The following PHACTR2 variants were observed in gnomAD, a reference collection of about 807,000 sequenced individuals.
PHACTR2 encodes phosphatase and actin regulator 2, also known as chromosome 6 open reading frame 56.
PHACTR2 carries 30 observed loss-of-function variants against 76.0 expected under a neutral mutation model. The ratio of observed to expected loss-of-function variants is 0.39; its 90% CI spans 0.30 to 0.54. PHACTR2 has a LOEUF of 0.54. Ranked by LOEUF, PHACTR2 falls within the 20% of genes least tolerant of loss-of-function variation. The pLI is 0.61. For missense variants in PHACTR2, 696 were observed against 781.1 expected (o/e 0.89, Z 1.30); for synonymous variants, 292 against 292.5 (o/e 1.00, Z 0.02).
chr6:143,706,166 A>G (rs919444474), intron 1 of PHACTR2, among the ~76,000 whole-genome samples: 1 of 152,032 alleles, frequency 6.6e-6, no homozygotes, highest in African/African-American at 2.4e-5. Flanking sequence ...TTGCTTTTTG[A>G]GCACTTTCTG....
rs977263243 is a variant in PHACTR2 at position 143,696,173 on chromosome 6, C to A, written c.47-15843C>A. 6.6e-6 allele frequency among the ~76,000 whole-genome samples: 1 copy of A among 152,178 alleles called. No homozygotes were observed. The highest frequency in any genetic ancestry group is 2.1e-4 in the South Asian group (1 of 4,828). ...TGATGTCAACCTTCTTGCTTAGTTT[C>A]TTTCCTTAATCCAGGGCATTTCTGC... On this transcript the variant is annotated intron_variant, in intron 1 of 12. Transcript: ENST00000440869. The surrounding 1 kb of genome is among the most constrained non-coding windows in gnomAD (Gnocchi z 4.1).
rs1776531580 is a variant in PHACTR2 at position 143,826,408 on chromosome 6, G to A, written c.*2719G>A. 1 of 152,152 alleles carries A rather than the reference G, an allele frequency of 6.6e-6. No individual in the cohort carries two copies. Among genetic ancestry groups the A allele is most frequent in the South Asian group, 2.1e-4 (1 of 4,832 alleles). 9.4% of individuals were successfully genotyped at this position (152,152 alleles called of 1,614,324 possible). On this transcript the variant is annotated 3_prime_UTR_variant, in exon 13 of 13. Coordinates refer to ENST00000440869, the MANE Select transcript of PHACTR2 (RefSeq NM_001100164.2). ...GTGTGGGAATTGGATTTCTTTTGTTGTAACACAATTCCAGGTTTTTGGCTA... is the reference window on the plus strand; with the variant it reads ...GTGTGGGAATTGGATTTCTTTTGTTATAACACAATTCCAGGTTTTTGGCTA...
rs988022291 is a variant in PHACTR2 at position 143,553,418 on chromosome 6, C to T, written c.217+16211C>T. 1.3e-5 allele frequency among the ~76,000 whole-genome samples: 2 copies of T among 152,136 alleles called. No individual in the cohort carries two copies. Among genetic ancestry groups the T allele is most frequent in the African/African-American group, 4.8e-5 (2 of 41,410 alleles). On this transcript the variant is annotated intron_variant, in intron 1 of 11. Coordinates refer to the PHACTR2 transcript ENST00000367584. The surrounding 1 kb of genome is among the most constrained non-coding windows in gnomAD (Gnocchi z 4.2). The stretch of plus-strand genomic sequence containing the variant: ...CACGGAAGTGAAAATATCATACAAA[C>T]CAGGAAGAGGGGAGTTGGTGCATGT...
Position 143,680,912 on chromosome 6 carries a change from T to C in PHACTR2, c.46+2703T>C, listed in dbSNP as rs1279337001. On this transcript the variant is annotated intron_variant, in intron 1 of 12. Coordinates refer to ENST00000440869, the MANE Select transcript of PHACTR2 (RefSeq NM_001100164.2). The surrounding 1 kb of genome is among the most constrained non-coding windows in gnomAD (Gnocchi z 4.5). ...GTTAGCATAATGTTTTCAAGGGTCA[T>C]CCATGTTGTAGCATGTATCAGTTGT... Among the ~76,000 whole-genome samples the C allele has an allele frequency of 5.9e-5, 9 of 152,230 alleles. No individual in the cohort carries two copies. Among genetic ancestry groups the C allele is most frequent in the Admixed American group, 4.6e-4 (7 of 15,284 alleles).
intron 6 of PHACTR2, among the ~76,000 whole-genome samples, chr6:143,769,134 G>A (rs1452613876): frequency 6.6e-6 from 1 of 152,166 alleles, no homozygotes; most frequent in Non-Finnish European, 1.5e-5. Flanking sequence ...AAGACAAGTG[G>A]CTATGTATAA....
Position 143,556,698 on chromosome 6 carries a change from G to T in PHACTR2, c.217+19491G>T, listed in dbSNP as rs1437461090. On this transcript the variant is annotated intron_variant, in intron 1 of 11. Transcript: ENST00000367584. The surrounding 1 kb of genome is among the most constrained non-coding windows in gnomAD (Gnocchi z 4.3). ...AGATTTGAACCTCTCAGCTCACAGG[G>T]TGCTAACTAGAGGAGAAGGAAGACG... Among the ~76,000 whole-genome samples, 2 of 152,248 alleles carry T rather than the reference G, an allele frequency of 1.3e-5. No homozygotes were observed. Among genetic ancestry groups the T allele is most frequent in the East Asian group, 1.9e-4 (1 of 5,178 alleles).
intron 1 of PHACTR2, among the ~76,000 whole-genome samples, chr6:143,645,113 G>A (rs974701815): frequency 9.9e-5 from 15 of 151,998 alleles, no homozygotes; most frequent in African/African-American, 3.6e-4. Context: ...ACTAAAAGTA[G>A]ATCTACTATT....
intron 2 of PHACTR2, among the ~76,000 whole-genome samples, chr6:143,740,982 C>G (rs1314371657): frequency 6.6e-6 from 1 of 152,252 alleles, no homozygotes. Context: ...AGCGCAGTGG[C>G]TCACGCCTGT....
Position 143,658,486 on chromosome 6 carries a change from A to G in PHACTR2, c.13+50164A>G, listed in dbSNP as rs1454136355. ...GGATACAATCTGAGGTGTGTTGTTA[A>G]GTGATTTTGTCATTGTGTAAACATG... On this transcript the variant is annotated intron_variant, in intron 1 of 11. Transcript: ENST00000305766. The surrounding 1 kb of genome is among the most constrained non-coding windows in gnomAD (Gnocchi z 4.1). 1.3e-5 allele frequency among the ~76,000 whole-genome samples: 2 copies of G among 152,180 alleles called. No homozygotes were observed. The highest frequency in any genetic ancestry group is 4.8e-5 in the African/African-American group (2 of 41,436).
intron 1 of PHACTR2, among the ~76,000 whole-genome samples, chr6:143,699,746 T>C (rs1009031538): frequency 8.5e-5 from 13 of 152,292 alleles, no homozygotes; most frequent in African/African-American, 3.1e-4. Flanking sequence ...CTCAGACTCC[T>C]CTCTTCTTTC....
In PHACTR2 at chr6:143,638,990, C is replaced by T. The variant is rs75228102; in HGVS notation, c.13+30668C>T. Among the ~76,000 whole-genome samples the T allele has an allele frequency of 1.2e-4, 19 of 152,330 alleles. No homozygotes were observed. The East Asian group carries it at 3.7e-3, about 29-fold the overall frequency. On this transcript the variant is annotated intron_variant, in intron 1 of 11. Transcript: ENST00000305766. ...GTAGCTTCCCCAAAACTATGAATGA[C>T]ATTATCTCCTTAATGATCATTTTCT...
intron 1 of PHACTR2, among the ~76,000 whole-genome samples, chr6:143,572,671 G>T (rs1775457227): frequency 6.6e-6 from 1 of 152,126 alleles, no homozygotes; most frequent in South Asian, 2.1e-4. Context: ...TCATGCCTCA[G>T]CCTCCTAAGT....
intron 2 of PHACTR2, among the ~76,000 whole-genome samples, chr6:143,748,462 G>A (rs1458337718): frequency 1.3e-5 from 2 of 152,220 alleles, no homozygotes; most frequent in Non-Finnish European, 2.9e-5. Flanking sequence ...GAGAACGCAG[G>A]GGAAAGAGTT....
chr6:143,609,220 T>C (rs1246962908), intron 1 of PHACTR2, among the ~76,000 whole-genome samples: 1 of 152,248 alleles, frequency 6.6e-6, no homozygotes, highest in Non-Finnish European at 1.5e-5. Context: ...CACCCATTGA[T>C]GGTGAAACAT....
intron 2 of PHACTR2, among the ~76,000 whole-genome samples, chr6:143,735,854 T>G (rs1368734981): frequency 2.0e-5 from 3 of 152,146 alleles, no homozygotes; most frequent in African/African-American, 7.2e-5. Flanking sequence ...TGTGTAGCAT[T>G]GTGAAGTAAA....
Position 143,656,388 on chromosome 6 carries a change from A to G in PHACTR2, c.13+48066A>G, listed in dbSNP as rs1480194186. Among the ~76,000 whole-genome samples the G allele has an allele frequency of 6.6e-6, 1 of 152,230 alleles. No homozygotes were observed. Among genetic ancestry groups the G allele is most frequent in the East Asian group, 1.9e-4 (1 of 5,196 alleles). ...ATTGGAAGTAGAATTGTCTTGGGCC[A>G]CACATAAAATACACTAACACTAATG... On this transcript the variant is annotated intron_variant, in intron 1 of 11. Coordinates refer to the PHACTR2 transcript ENST00000305766. The surrounding 1 kb of genome is among the most constrained non-coding windows in gnomAD (Gnocchi z 5.3).
chr6:143,673,837 C>G (rs564080392), upstream of PHACTR2, among the ~76,000 whole-genome samples: 317 of 151,858 alleles, frequency 2.1e-3, 1 homozygote, highest in Middle Eastern at 6.8e-3. Context: ...CAGGGTGAGG[C>G]AGAGGCAAGG....
At position 143,794,778 on chromosome 6, in the gene PHACTR2, A is replaced by G. The variant is rs1328012000; in HGVS notation, c.1845+5868A>G. ...CGCCGCACTCCAGCCTGGGTGACAA[A>G]GCGAGACTCCATCTCAAAAACTGAA... On this transcript the variant is annotated intron_variant, in intron 11 of 12. Coordinates refer to ENST00000440869, the MANE Select transcript of PHACTR2 (RefSeq NM_001100164.2). The surrounding 1 kb of genome is among the most constrained non-coding windows in gnomAD (Gnocchi z 4.1). Among the ~76,000 whole-genome samples the G allele has an allele frequency of 6.6e-6, 1 of 152,186 alleles. No homozygotes were observed. Among genetic ancestry groups the G allele is most frequent in the Non-Finnish European group, 1.5e-5 (1 of 68,030 alleles).
chr6:143,768,427 G>A (rs910835343), intron 6 of PHACTR2, among the ~76,000 whole-genome samples: 4 of 152,194 alleles, frequency 2.6e-5, no homozygotes, highest in Admixed American at 2.0e-4. Flanking sequence ...GAAGTATAAT[G>A]TTTAAGGTAA....
Sources: gnomAD v4.1 joint callset for allele counts (sites outside exome capture counted in the v4.1 genomes callset) on GRCh38, gnomAD v4.1.1 for gene constraint, Gnocchi (gnomAD v3.1) non-coding constraint, MANE v1.5 for transcripts, NCBI Gene and HGNC (gene_info 2026-07-23, HGNC 2026-07-21) for gene names.